Variants in PREP observed in about 807,000 individuals in gnomAD.
PREP encodes the protein dJ355L5.1 (prolyl endopeptidase).
PREP carries 29 observed loss-of-function variants against 87.6 expected under a neutral mutation model. That is an observed-to-expected ratio of 0.33 (90% CI 0.25 to 0.45). The LOEUF is 0.45. Among genes scored for constraint, PREP ranks in the 20% least tolerant of loss-of-function variants. PREP has a pLI of 1.00. For synonymous variants in PREP, 337 were observed against 328.6 expected (o/e 1.03, Z -0.28); for missense variants, 695 against 886.5 (o/e 0.78, Z 2.74).
intron 10 of PREP, among the ~76,000 whole-genome samples, chr6:105,316,421 C>T (rs1233023115): frequency 3.9e-5 from 6 of 152,234 alleles, no homozygotes; most frequent in Admixed American, 3.3e-4. Flanking sequence ...CAATGACGAT[C>T]GTCACATCAA....
chr6:105,292,738 A>C (rs2114619142), intron 10 of PREP, among the ~76,000 whole-genome samples: 1 of 152,380 alleles, frequency 6.6e-6, no homozygotes, highest in Middle Eastern at 3.4e-3. Context: ...GTCTACATTG[A>C]AAATCTGTTG....
At chr6:105,349,898 T>TAAAAAAA (rs1162063177) in intron 7 of PREP, among the ~76,000 whole-genome samples, 1,640 of 59,264 alleles carry the variant, frequency 0.028, 65 homozygotes, top group African/African-American at 0.083. Context: ...GGGAAGCAGG[T>TAAAAAAA]AAAAAAAAAA....
At chr6:105,320,035 T>C (rs761707549) in intron 10 of PREP, among the ~76,000 whole-genome samples, 4 of 152,258 alleles carry the variant, frequency 2.6e-5, no homozygotes, top group Middle Eastern at 3.2e-3. Context: ...ATGAAACATA[T>C]TGCTGACTGT....
At chr6:105,296,052 A>T (rs1770403719) in intron 10 of PREP, among the ~76,000 whole-genome samples, 1 of 152,208 alleles carries the variant, frequency 6.6e-6, no homozygotes, top group South Asian at 2.1e-4. Context: ...AAATTCAATA[A>T]ATTTGGACCA....
intron 11 of PREP, among the ~76,000 whole-genome samples, chr6:105,287,715 T>C (rs947084441): frequency 1.3e-5 from 2 of 152,220 alleles, no homozygotes; most frequent in Non-Finnish European, 2.9e-5. Flanking sequence ...GAAAAGATCC[T>C]GGATGAATCT....
intron 6 of PREP, among the ~76,000 whole-genome samples, chr6:105,361,472 C>T (rs1166500939): frequency 1.3e-5 from 2 of 152,016 alleles, no homozygotes; most frequent in South Asian, 2.1e-4. Context: ...CAAAAAAAGG[C>T]AAAGAAAGTT....
intron 6 of PREP, 97 bp from the exon 7 acceptor site, chr6:105,353,174 A>T: frequency 1.0e-6 from 1 of 958,254 alleles, no homozygotes; most frequent in Non-Finnish European, 1.6e-6. Flanking sequence ...GTTAATTTTC[A>T]AAGGCAGTGT....
At chr6:105,382,664 A>T (rs1772877116) in intron 2 of PREP, among the ~76,000 whole-genome samples, 1 of 147,760 alleles carries the variant, frequency 6.8e-6, no homozygotes, top group East Asian at 2.1e-4. Flanking sequence ...TGAAAGATAA[A>T]GATATGTGCT....
At chr6:105,375,535 G>A (rs1390638145) in intron 4 of PREP, among the ~76,000 whole-genome samples, 2 of 152,208 alleles carry the variant, frequency 1.3e-5, no homozygotes, top group East Asian at 3.8e-4. Flanking sequence ...GCAGAGTTAA[G>A]TAGGAGATGT....
intron 9 of PREP, among the ~76,000 whole-genome samples, chr6:105,325,720 CT>C (rs1247821728): frequency 6.6e-6 from 1 of 152,190 alleles, no homozygotes; most frequent in East Asian, 1.9e-4. Flanking sequence ...TCTAATGATG[CT>C]TTGTGTCCCA....
At chr6:105,394,760 A>C (rs1773246086) in intron 2 of PREP, among the ~76,000 whole-genome samples, 1 of 152,224 alleles carries the variant, frequency 6.6e-6, no homozygotes, top group South Asian at 2.1e-4. Context: ...CCTGGGCAAC[A>C]GCAAGACCCT....
At chr6:105,402,167 T>G (rs984031178) in intron 1 of PREP, among the ~76,000 whole-genome samples, 1 of 152,126 alleles carries the variant, frequency 6.6e-6, no homozygotes, top group Non-Finnish European at 1.5e-5. Flanking sequence ...TTCTAAGACC[T>G]CCTCTCACCC....
chr6:105,325,965 G>A lies in PREP; in HGVS notation c.1214-2197C>T, dbSNP rs1185418777. Among the ~76,000 whole-genome samples, 3 of 152,158 alleles carry A rather than the reference G, an allele frequency of 2.0e-5. No individual in the cohort carries two copies. The East Asian group carries it at 5.8e-4, about 29-fold the overall frequency. ...CAGTGTAATCTGAAATAAATGTAAG[G>A]AGAAGTAGGAGTAGTCAGGAGAAAG... On this transcript the variant is annotated intron_variant, in intron 9 of 14. Transcript: ENST00000652536.
intron 6 of PREP, among the ~76,000 whole-genome samples, chr6:105,357,247 T>C (rs1772122928): frequency 6.6e-6 from 1 of 152,258 alleles, no homozygotes; most frequent in African/African-American, 2.4e-5. Flanking sequence ...ACACAGACTC[T>C]TTACAGCTTA....
chr6:105,299,985 C>T (rs1770497928), intron 10 of PREP, among the ~76,000 whole-genome samples: 1 of 151,930 alleles, frequency 6.6e-6, no homozygotes, highest in Admixed American at 6.6e-5. Flanking sequence ...CAGCCTCTGC[C>T]TCCTAGGTTC....
Position 105,315,817 on chromosome 6 carries a change from G to A in PREP, c.1317+7848C>T, listed in dbSNP as rs151094000. ...ACTTTTATGTTGTGCAGATGGCTTC[G>A]TTCCTTAAACTTCATGAACCAACCT... On this transcript the variant is annotated intron_variant, in intron 10 of 14. Coordinates refer to ENST00000652536, the MANE Select transcript of PREP (RefSeq NM_002726.5). Among the ~76,000 whole-genome samples the A allele has an allele frequency of 9.0e-3, 1,376 of 152,290 alleles. 18 individuals are homozygous for A. The highest frequency in any genetic ancestry group is 0.031 in the Middle Eastern group (9 of 294).
intron 2 of PREP, among the ~76,000 whole-genome samples, chr6:105,393,423 G>C (rs1773210132): frequency 6.6e-6 from 1 of 152,038 alleles, no homozygotes; most frequent in Non-Finnish European, 1.5e-5. Context: ...AGTTGAATCT[G>C]GATGAATCTT....
intron 2 of PREP, among the ~76,000 whole-genome samples, chr6:105,387,633 AAAAGAAAAAGAAAAAG>A (rs1168392817): frequency 1.9e-4 from 29 of 148,768 alleles, no homozygotes; most frequent in Admixed American, 1.9e-3. Flanking sequence ...AAAAAAGAAA[AAAAGAAAAAGAAAAAG>A]AAAGAAAAAG....
chr6:105,341,720 C>T (rs1771655786), intron 7 of PREP, among the ~76,000 whole-genome samples: 3 of 152,096 alleles, frequency 2.0e-5, no homozygotes, highest in African/African-American at 7.2e-5. Context: ...ACCACTGATC[C>T]CACAGAAATA....
Sources: gnomAD v4.1 joint callset for allele counts (sites outside exome capture counted in the v4.1 genomes callset) on GRCh38, gnomAD v4.1.1 for gene constraint, MANE v1.5 for transcripts, NCBI Gene and HGNC (gene_info 2026-07-23, HGNC 2026-07-21) for gene names.